The following LGR6 variants were observed in gnomAD, a reference collection of about 807,000 sequenced individuals.
LGR6 encodes the protein leucine-rich repeat-containing G protein-coupled receptor 6.
A neutral mutation model predicts 69.4 loss-of-function variants in LGR6; 45 were observed. That is an observed-to-expected ratio of 0.65 (90% confidence interval 0.51 to 0.83). The LOEUF (loss-of-function observed/expected upper bound fraction) is 0.83, where lower values mean the gene tolerates loss of function less well. Ranked by LOEUF, LGR6 falls within the 40% of genes least tolerant of loss-of-function variation. The probability of loss-of-function intolerance (pLI) is 0.00; values close to 1 mark genes in which losing one functional copy is unlikely to be tolerated. For synonymous variants in LGR6, 538 were observed against 555.0 expected, an observed-to-expected ratio of 0.97 and a Z score of 0.43; for missense variants, 1,108 against 1,246.7, an observed-to-expected ratio of 0.89 and a Z score of 1.68.
At chr1:202,237,480 T>C (rs1349226366) in intron 4 of LGR6, among the ~76,000 whole-genome samples, 1 of 152,248 alleles carries the variant, frequency 6.6e-6, no homozygotes, top group African/African-American at 2.4e-5. Context: ...AGACTTTCAC[T>C]GGACTTCTTC....
chr1:202,259,577 C>T (rs1020434146), intron 4 of LGR6, among the ~76,000 whole-genome samples: 2 of 152,020 alleles, frequency 1.3e-5, no homozygotes, highest in African/African-American at 4.8e-5. Context: ...GAGTTGTATC[C>T]TGGAAAGATG....
At chr1:202,204,691 C>CT (rs1659026389) in intron 1 of LGR6, among the ~76,000 whole-genome samples, 1 of 21,304 alleles carries the variant, frequency 4.7e-5, no homozygotes, top group Non-Finnish European at 8.5e-5. Context: ...ACACACACAC[C>CT]CCCAAACACA....
chr1:202,254,056 C>T (rs1354075268), intron 4 of LGR6, among the ~76,000 whole-genome samples: 2 of 151,950 alleles, frequency 1.3e-5, no homozygotes, highest in Admixed American at 6.6e-5. Flanking sequence ...CCGCCCGCCT[C>T]GGCCTCCCAA....
chr1:202,317,647 A>G (rs1242343811), intron 17 of LGR6, among the ~76,000 whole-genome samples: 2 of 152,104 alleles, frequency 1.3e-5, no homozygotes, highest in Non-Finnish European at 2.9e-5. Context: ...TGCCTGGCCT[A>G]TATGCGTTCT....
At chr1:202,307,175 A>G (rs1021944824) in intron 13 of LGR6, among the ~76,000 whole-genome samples, 155 bp from the exon 14 acceptor site, 2 of 152,136 alleles carry the variant, frequency 1.3e-5, no homozygotes, top group African/African-American at 4.8e-5. Context: ...CAGCCAGCTC[A>G]GGAGCTGGGC....
At chr1:202,195,137 A>G (rs1243673802) in intron 1 of LGR6, among the ~76,000 whole-genome samples, 1 of 149,816 alleles carries the variant, frequency 6.7e-6, no homozygotes, top group East Asian at 2.0e-4. Context: ...TGCAGGCTCT[A>G]TCAACTTCCT....
intron 13 of LGR6, 140 bp from the exon 14 acceptor site, chr1:202,307,190 G>T (rs1468413215): frequency 1.2e-6 from 1 of 827,590 alleles, no homozygotes; most frequent in Non-Finnish European, 2.0e-6. Flanking sequence ...CTGGGCAGCA[G>T]CAGGTACCTT....
At chr1:202,204,653 A>ACACC (rs1659017917) in intron 1 of LGR6, among the ~76,000 whole-genome samples, 1 of 33,450 alleles carries the variant, frequency 3.0e-5, no homozygotes, top group Non-Finnish European at 5.6e-5. Flanking sequence ...ACACACACAC[A>ACACC]CCTCCAAACA....
intron 4 of LGR6, among the ~76,000 whole-genome samples, chr1:202,274,763 C>T (rs992073463): frequency 3.3e-5 from 5 of 152,186 alleles, no homozygotes; most frequent in Non-Finnish European, 7.3e-5. Flanking sequence ...AAGGGTGTGA[C>T]GGCCACCACT....
intron 1 of LGR6, among the ~76,000 whole-genome samples, chr1:202,195,971 C>T (rs2361440): frequency 6.6e-6 from 1 of 152,132 alleles, no homozygotes; most frequent in African/African-American, 2.4e-5. Context: ...ACAATTCCCT[C>T]GGAGCTGTGA....
chr1:202,291,578 C>T (rs1292426474), intron 6 of LGR6, among the ~76,000 whole-genome samples: 1 of 152,208 alleles, frequency 6.6e-6, no homozygotes, highest in Non-Finnish European at 1.5e-5. Context: ...CAAAAGTGAA[C>T]CCATATGCTT....
intron 5 of LGR6, among the ~76,000 whole-genome samples, chr1:202,280,458 A>G (rs962559215): frequency 6.6e-6 from 1 of 152,174 alleles, no homozygotes; most frequent in Non-Finnish European, 1.5e-5. Context: ...AAGAAGCCTC[A>G]GACTTGAGCC....
intron 4 of LGR6, among the ~76,000 whole-genome samples, chr1:202,246,094 ATCCC>A (rs1478369066): frequency 4.9e-5 from 3 of 61,802 alleles, no homozygotes; most frequent in African/African-American, 6.5e-5. Flanking sequence ...TCCATCCCCC[ATCCC>A]TCCCTCCCTC....
intron 4 of LGR6, among the ~76,000 whole-genome samples, chr1:202,239,263 C>T (rs1019806094): frequency 6.6e-5 from 10 of 151,998 alleles, no homozygotes; most frequent in Admixed American, 2.0e-4. Flanking sequence ...TTTCAGGCCC[C>T]GGGGACAATC....
At chr1:202,312,937 A>C (rs571322705) in intron 16 of LGR6, among the ~76,000 whole-genome samples, 1 of 152,310 alleles carries the variant, frequency 6.6e-6, no homozygotes, top group Non-Finnish European at 1.5e-5. Flanking sequence ...ATAAGAAAAA[A>C]AAAGTGTAAG....
At chr1:202,216,750 G>A (rs1026813671) in intron 1 of LGR6, among the ~76,000 whole-genome samples, 4 of 152,212 alleles carry the variant, frequency 2.6e-5, no homozygotes, top group Non-Finnish European at 5.9e-5. Context: ...CTGGGCCTGG[G>A]AGGCCTGGGT....
chr1:202,295,720 C>T (rs914848840), intron 6 of LGR6, among the ~76,000 whole-genome samples: 8 of 152,218 alleles, frequency 5.3e-5, no homozygotes, highest in Non-Finnish European at 1.2e-4. Context: ...CTGTGGGAGC[C>T]TCTCTGTGAG....
intron 1 of LGR6, among the ~76,000 whole-genome samples, chr1:202,209,656 A>G (rs1659386224): frequency 6.6e-6 from 1 of 152,262 alleles, no homozygotes; most frequent in Admixed American, 6.5e-5. Flanking sequence ...AAGATTGCTT[A>G]AAGGAGGTTT....
chr1:202,238,582 C>G (rs1661829695), intron 4 of LGR6, among the ~76,000 whole-genome samples: 1 of 151,658 alleles, frequency 6.6e-6, no homozygotes, highest in South Asian at 2.1e-4. Context: ...GGCTACCACG[C>G]CCGTCTAATT....
Sources: gnomAD v4.1 joint callset for allele counts (sites outside exome capture counted in the v4.1 genomes callset) on GRCh38, gnomAD v4.1.1 for gene constraint, MANE v1.5 for transcripts, NCBI Gene and HGNC (gene_info 2026-07-23, HGNC 2026-07-21) for gene names.